SVEP1: variants seen among roughly 807,000 people sequenced by gnomAD.
The protein encoded by SVEP1 is sushi, von Willebrand factor type A, EGF and pentraxin domain containing 1.
A neutral mutation model predicts 367.3 loss-of-function variants in SVEP1; 164 were observed. The ratio of observed to expected loss-of-function variants is 0.45; its 90% confidence interval spans 0.39 to 0.51. The LOEUF is 0.51. SVEP1 is among the 20% of genes least tolerant of loss of function. The pLI, the probability that SVEP1 is intolerant of heterozygous loss-of-function variation, is 0.00. For synonymous variants in SVEP1, 1,666 were observed against 1,611.6 expected, an observed-to-expected ratio of 1.03 and a Z score of -0.81; for missense variants, 4,117 against 4,425.3, an observed-to-expected ratio of 0.93 and a Z score of 1.98.
In SVEP1 at chr9:110,434,443, C is replaced by G; in HGVS notation, c.4952G>C (p.Gly1651Ala). 3.7e-6 allele frequency: 6 copies of G among 1,613,512 alleles called. No homozygotes were observed. The highest frequency in any genetic ancestry group is 5.1e-6 in the Non-Finnish European group (6 of 1,179,758). Residue 1651 changes from glycine to alanine, a missense_variant, in exon 30 of 48, where the codon GGT (glycine) becomes GCT (alanine). Around this residue, in one of 4 missense-constraint regions of SVEP1, gnomAD observed 2,174 missense variants for 2,494.3 expected, o/e 0.87. Transcript: ENST00000374469. ...LRTASEDLKP[G>A]SKVNLFCDPG... ...ATCACAGAACAGATTGACTTTGGAA[C>G]CTGGCTTTAAATCTTCAGATGCAGT... is the stretch of plus-strand genomic sequence containing the variant.
intron 18 of SVEP1, among the ~76,000 whole-genome samples, 195 bp from the exon 19 acceptor site, chr9:110,459,308 T>C (rs1473057889): frequency 6.6e-6 from 1 of 152,244 alleles, no homozygotes; most frequent in African/African-American, 2.4e-5. Context: ...GTAACACATG[T>C]TAACTTAATA....
At chr9:110,489,873 C>T (rs1829340755) in intron 8 of SVEP1, 94 bp from the exon 9 acceptor site, 5 of 1,354,614 alleles carry the variant, frequency 3.7e-6, no homozygotes, top group Non-Finnish European at 3.9e-6. Flanking sequence ...AACAATGATA[C>T]AATATTTCAC....
chr9:110,404,510 G>GA lies in SVEP1; in HGVS notation c.9482dup (p.Thr3162HisfsTer11). 1 of 1,613,938 alleles carries GA rather than the reference G, an allele frequency of 6.2e-7. No individual in the cohort carries two copies. Among genetic ancestry groups the GA allele is most frequent in the South Asian group, 1.1e-5 (1 of 91,074 alleles). The stretch of plus-strand genomic sequence containing the variant: ...ACCAGCGACCATCTTTCTGACAGGT[G>GA]AATGTATCTGTATCTGTATCCATCG... On this transcript the variant is annotated frameshift_variant, in exon 39 of 48. Transcript: ENST00000374469. LOFTEE classifies it high-confidence loss of function.
At chr9:110,433,364 C>CAAA (rs10611877) in intron 30 of SVEP1, among the ~76,000 whole-genome samples, 31 of 80,478 alleles carry the variant, frequency 3.9e-4, no homozygotes, top group African/African-American at 1.6e-3. Flanking sequence ...GTAGATAGGC[C>CAAA]AAAAAAAAAA....
At chr9:110,546,082 C>T (rs1417979540) in intron 3 of SVEP1, 33 bp downstream of exon 3, 1 of 1,547,892 alleles carries the variant, frequency 6.5e-7, no homozygotes, top group Non-Finnish European at 8.7e-7. Context: ...TACACAGCAA[C>T]AGACAACTGA....
In SVEP1 at chr9:110,411,743, G is replaced by A. The variant is rs28431893; in HGVS notation, c.5976-8C>T. Reference sequence around the variant, plus strand: ...AGACCAGCAAGAGTATAGCTGTGAGGTTGGGAAGAAAGAAAGAATAACTAA... The same window carrying A: ...AGACCAGCAAGAGTATAGCTGTGAGATTGGGAAGAAAGAAAGAATAACTAA... On this transcript the variant is annotated splice_polypyrimidine_tract_variant and splice_region_variant and intron_variant, in intron 36 of 47. Coordinates refer to ENST00000374469, the MANE Select transcript of SVEP1 (RefSeq NM_153366.4). 53,977 of 1,507,776 alleles carry A rather than the reference G, an allele frequency of 0.036. 1,120 individuals are homozygous for A. Among genetic ancestry groups the A allele is most frequent in the African/African-American group, 0.081 (5,815 of 71,504 alleles). The allele number at this position is 1,507,776 out of a possible 1,614,324, so 93.4% of individuals were successfully genotyped here.
chr9:110,389,754 T>A (rs1005844009), intron 40 of SVEP1, among the ~76,000 whole-genome samples, 167 bp from the exon 41 acceptor site: 1 of 152,136 alleles, frequency 6.6e-6, no homozygotes, highest in South Asian at 2.1e-4. Flanking sequence ...TTAAACTGTA[T>A]TTATTTATCA....
chr9:110,445,457 T>A lies in SVEP1; in HGVS notation c.4463+380A>T, dbSNP rs552828946. ...ATCCTATTATATAAAAGAAAGAGCA[T>A]CAGTATTTGAGTCAGAGTTTGAGAC... On this transcript the variant is annotated intron_variant, in intron 26 of 47. Coordinates refer to ENST00000374469, the MANE Select transcript of SVEP1 (RefSeq NM_153366.4). 2.4e-4 allele frequency among the ~76,000 whole-genome samples: 36 copies of A among 152,288 alleles called. No homozygotes were observed. In the East Asian group the frequency reaches 6.6e-3, roughly 28 times the overall value.
rs115447479 is a variant in SVEP1 at position 110,375,066 on chromosome 9, T to C, written c.10600+302A>G. 2.1e-3 allele frequency among the ~76,000 whole-genome samples: 313 copies of C among 152,232 alleles called. 1 individual carries two copies. Among genetic ancestry groups the C allele is most frequent in the African/African-American group, 7.1e-3 (297 of 41,548 alleles). ...GCTTCTTAGAGATTAAAATAAGTAT[T>C]ATTCTGAACCTCTGTGTAATGTCTT... On this transcript the variant is annotated intron_variant, in intron 46 of 47. Coordinates refer to ENST00000374469, the MANE Select transcript of SVEP1 (RefSeq NM_153366.4).
At chr9:110,497,974 T>TG (rs58286142) in intron 7 of SVEP1, among the ~76,000 whole-genome samples, 151,887 of 152,300 alleles carry the variant, frequency 1, 75,738 homozygotes, top group Middle Eastern at 1. Context: ...TCTGAAAAAA[T>TG]TTTTAAAAAG....
rs1400028759 is a variant in SVEP1 at position 110,386,082 on chromosome 9, A to G, written c.10061-8T>C. The G allele has an allele frequency of 1.2e-6, 2 of 1,601,254 alleles. No individual in the cohort carries two copies. The highest frequency in any genetic ancestry group is 4.5e-5 in the East Asian group (2 of 44,638). ...GAACAGGGCATGGATTTGCTGTCAAAAAGAAAAGAAAATGCTTACTGATAT... is the reference window on the plus strand; with the variant it reads ...GAACAGGGCATGGATTTGCTGTCAAGAAGAAAAGAAAATGCTTACTGATAT... On this transcript the variant is annotated splice_region_variant and splice_polypyrimidine_tract_variant and intron_variant, in intron 42 of 47. Coordinates refer to ENST00000374469, the MANE Select transcript of SVEP1 (RefSeq NM_153366.4).
At chr9:110,427,272 T>C (rs957268270) in intron 36 of SVEP1, among the ~76,000 whole-genome samples, 1 of 125,642 alleles carries the variant, frequency 8.0e-6, no homozygotes, top group Non-Finnish European at 1.6e-5. Context: ...CACTCCAGCC[T>C]GGGCAAGGTG....
At chr9:110,386,686 G>C (rs75298324) in intron 42 of SVEP1, among the ~76,000 whole-genome samples, 3 of 152,174 alleles carry the variant, frequency 2.0e-5, no homozygotes, top group Non-Finnish European at 2.9e-5. Context: ...TGCGTGCTTA[G>C]CGCAAGTGTG....
At chr9:110,385,753 A>G (rs533707548) in intron 43 of SVEP1, 145 bp downstream of exon 43, 3 of 928,848 alleles carry the variant, frequency 3.2e-6, no homozygotes, top group East Asian at 3.1e-5. Flanking sequence ...AAAGAAATTT[A>G]CAAACATTAA....
intron 24 of SVEP1, among the ~76,000 whole-genome samples, chr9:110,449,023 T>G (rs1281824131): frequency 6.6e-6 from 1 of 152,212 alleles, no homozygotes; most frequent in Non-Finnish European, 1.5e-5. Flanking sequence ...TTTGCAAACT[T>G]ATAAAACCAG....
Position 110,579,733 on chromosome 9 carries a change from G to A in SVEP1, c.-190C>T. 1 of 600,194 alleles carries A rather than the reference G, an allele frequency of 1.7e-6. No individual in the cohort carries two copies. The highest frequency in any genetic ancestry group is 2.7e-6 in the Non-Finnish European group (1 of 376,844). 37.2% of individuals were successfully genotyped at this position (600,194 alleles called of 1,614,324 possible). Reference sequence around the variant, plus strand: ...GACTCCTCAGCAGCTCGGGAACTCCGGAGGGAACGGCGCGCGCTCTCTACC... The same window carrying A: ...GACTCCTCAGCAGCTCGGGAACTCCAGAGGGAACGGCGCGCGCTCTCTACC... On this transcript the variant is annotated 5_prime_UTR_variant, in exon 1 of 48. Transcript: ENST00000374469. This position sits in a 1 kb window ranked among gnomAD's most constrained non-coding sequence, Gnocchi z 5.3.
At chr9:110,470,837 C>A (rs1266949381) in intron 16 of SVEP1, among the ~76,000 whole-genome samples, 1 of 151,550 alleles carries the variant, frequency 6.6e-6, no homozygotes, top group African/African-American at 2.4e-5. Context: ...GTGCAGGTTT[C>A]TTATGTATGT....
chr9:110,450,659 G>C (rs532198886), intron 23 of SVEP1, among the ~76,000 whole-genome samples: 13 of 151,346 alleles, frequency 8.6e-5, no homozygotes, highest in Non-Finnish European at 1.6e-4. Context: ...TTTTTTAGTA[G>C]AGACAGGGTT....
At chr9:110,453,414 G>A (rs1025733610) in intron 22 of SVEP1, among the ~76,000 whole-genome samples, 1 of 152,162 alleles carries the variant, frequency 6.6e-6, no homozygotes, top group Non-Finnish European at 1.5e-5. Context: ...ATTTTTGTGA[G>A]AAGGTGCTGG....
Sources: allele counts gnomAD v4.1 joint callset (sites outside exome capture counted in the v4.1 genomes callset), GRCh38; gene constraint gnomAD v4.1.1; regional missense constraint gnomAD v4.1.1; non-coding constraint Gnocchi (gnomAD v3.1); transcripts MANE v1.5; gene names NCBI Gene and HGNC (gene_info 2026-07-23, HGNC 2026-07-21).